CNTNAP4: variants seen among roughly 807,000 people sequenced by gnomAD.
CNTNAP4 encodes contactin-associated protein-like 4.
A neutral mutation model predicts 148.4 loss-of-function variants in CNTNAP4; 98 were observed. The observed-to-expected ratio is 0.66, with a 90% CI of 0.56 to 0.78. The LOEUF (loss-of-function observed/expected upper bound fraction) is 0.78, where lower values mean the gene tolerates loss of function less well. Ranked by LOEUF, CNTNAP4 falls within the 30% of genes least tolerant of loss-of-function variation. The pLI, the probability that CNTNAP4 is intolerant of heterozygous loss-of-function variation, is 0.00. For synonymous variants in CNTNAP4, 730 were observed against 565.1 expected (o/e 1.29, Z -4.14); for missense variants, 1,935 against 1,565.6 (o/e 1.24, Z -3.98).
chr16:76,315,333 TG>T (rs1961599514), intron 1 of CNTNAP4, among the ~76,000 whole-genome samples: 1 of 152,144 alleles, frequency 6.6e-6, no homozygotes, highest in Admixed American at 6.6e-5. Context: ...TCCTTGAGGC[TG>T]GGGGTTCATC....
chr16:76,451,028 G>A (rs538388361), intron 7 of CNTNAP4, among the ~76,000 whole-genome samples: 9 of 152,272 alleles, frequency 5.9e-5, no homozygotes, highest in Middle Eastern at 3.4e-3. Flanking sequence ...GTTGCCTGTG[G>A]GTAGCCACCA....
chr16:76,547,671 A>T (rs9923685), intron 21 of CNTNAP4, among the ~76,000 whole-genome samples: 131 of 152,184 alleles, frequency 8.6e-4, no homozygotes, highest in African/African-American at 2.8e-3. Flanking sequence ...AAGCCTGGAG[A>T]TTATTTTCAC....
rs1158689899 is a variant in CNTNAP4, at chr16:76,495,180, A to AT, written c.2237+115dup. 6.1e-6 allele frequency: 7 copies of AT among 1,140,666 alleles called. No individual in the cohort carries two copies. The Admixed American group carries it at 1.5e-4, about 25-fold the overall frequency. The allele number at this position is 1,140,666 out of a possible 1,614,324, so 70.7% of individuals were successfully genotyped here. On this transcript the variant is annotated intron_variant, in intron 14 of 23. Transcript: ENST00000611870. Reference sequence around the variant, plus strand: ...CAAGTTAGTGCAATGAAGTAATTAAATAAAGGTTTGTTTTAATGAAACGTG... The same window carrying AT: ...CAAGTTAGTGCAATGAAGTAATTAAATTAAAGGTTTGTTTTAATGAAACGTG...
At position 76,328,592 on chromosome 16, in the gene CNTNAP4, A is replaced by C. The variant is rs1963223676; in HGVS notation, c.196+12069A>C. On this transcript the variant is annotated intron_variant, in intron 2 of 23. Transcript: ENST00000611870. ...AAAGCATGGACCTTAGTTAATAATA[A>C]TAATGTATCAATAGTGATGCATTAG... Among the ~76,000 whole-genome samples, 5 of 152,188 alleles carry C rather than the reference A, an allele frequency of 3.3e-5. No individual in the cohort carries two copies. In the South Asian group the frequency reaches 1.0e-3, roughly 32 times the overall value.
At position 76,326,952 on chromosome 16, in the gene CNTNAP4, A is replaced by C. The variant is rs577464593; in HGVS notation, c.196+10429A>C. Among the ~76,000 whole-genome samples the C allele has an allele frequency of 3.1e-4, 47 of 152,226 alleles. 1 individual carries two copies. The highest frequency in any genetic ancestry group is 2.8e-3 in the Admixed American group (43 of 15,302). ...TACCCTAAAACTTAAAGTAAGAATA[A>C]AATTTAAAAAATACAAAAAAAAAAG... is the stretch of plus-strand genomic sequence containing the variant. On this transcript the variant is annotated intron_variant, in intron 2 of 23. Coordinates refer to ENST00000611870, the MANE Select transcript of CNTNAP4 (RefSeq NM_033401.5).
At chr16:76,329,812 ACTG>A (rs1963344826) in intron 2 of CNTNAP4, among the ~76,000 whole-genome samples, 2 of 152,370 alleles carry the variant, frequency 1.3e-5, no homozygotes, top group Admixed American at 6.5e-5. Flanking sequence ...ATAAAATATA[ACTG>A]ACTTTTATAA....
intron 1 of CNTNAP4, among the ~76,000 whole-genome samples, chr16:76,305,785 A>G (rs763040102): frequency 2.6e-5 from 4 of 152,164 alleles, no homozygotes; most frequent in Non-Finnish European, 5.9e-5. Context: ...CCCAACAGGT[A>G]GTTTTTCAAC....
At chr16:76,407,870 T>C (rs1039245655) in intron 3 of CNTNAP4, among the ~76,000 whole-genome samples, 1 of 152,096 alleles carries the variant, frequency 6.6e-6, no homozygotes, top group Non-Finnish European at 1.5e-5. Flanking sequence ...CATCACATGC[T>C]ACAGAGAAGT....
intron 3 of CNTNAP4, among the ~76,000 whole-genome samples, chr16:76,422,305 T>C (rs1187671764): frequency 6.6e-6 from 1 of 152,126 alleles, no homozygotes; most frequent in Non-Finnish European, 1.5e-5. Flanking sequence ...ATATTCTGTG[T>C]CTATTAGGAG....
chr16:76,277,583 C>T lies in CNTNAP4; in HGVS notation c.-80C>T, dbSNP rs1958523366. ...AGAGGGGCTGAAGACCCAGACAGAG[C>T]TGGCAGAGCTACTGAGAAGAGGACT... On this transcript the variant is annotated 5_prime_UTR_variant, in exon 1 of 24. Coordinates refer to ENST00000611870, the MANE Select transcript of CNTNAP4 (RefSeq NM_033401.5). The T allele has an allele frequency of 4.4e-6, 4 of 910,804 alleles. No individual in the cohort carries two copies. The highest frequency in any genetic ancestry group is 4.3e-5 in the South Asian group (3 of 70,230). The allele number at this position is 910,804 out of a possible 1,614,324, so 56.4% of individuals were successfully genotyped here. A position where few individuals can be genotyped will look rare whatever the true frequency, so the allele number is the denominator to read the frequency against.
intron 3 of CNTNAP4, among the ~76,000 whole-genome samples, chr16:76,408,881 C>T (rs1015921158): frequency 2.0e-5 from 3 of 151,986 alleles, no homozygotes; most frequent in African/African-American, 7.3e-5. Context: ...CACTATCTGC[C>T]ACTCAATCAA....
chr16:76,519,840 C>G (rs1409559889), intron 15 of CNTNAP4, among the ~76,000 whole-genome samples: 9 of 152,148 alleles, frequency 5.9e-5, no homozygotes, highest in Non-Finnish European at 1.2e-4. Flanking sequence ...TGAGAATTGA[C>G]TTTTGAATCA....
intron 3 of CNTNAP4, among the ~76,000 whole-genome samples, chr16:76,379,929 T>C (rs1477332091): frequency 6.6e-6 from 1 of 152,222 alleles, no homozygotes; most frequent in Non-Finnish European, 1.5e-5. Flanking sequence ...GATAATGGTG[T>C]GGATCTTCAT....
intron 1 of CNTNAP4, among the ~76,000 whole-genome samples, chr16:76,314,405 G>A (rs373691211): frequency 1.3e-5 from 2 of 152,254 alleles, no homozygotes; most frequent in African/African-American, 4.8e-5. Flanking sequence ...CACGAAAGTA[G>A]GAGGAATAAT....
At chr16:76,366,677 T>C (rs1472849172) in intron 3 of CNTNAP4, among the ~76,000 whole-genome samples, 1 of 152,154 alleles carries the variant, frequency 6.6e-6, no homozygotes, top group Non-Finnish European at 1.5e-5. Context: ...GTCAAATGGT[T>C]CTTAGCTCTT....
chr16:76,364,492 A>G (rs976360006), intron 3 of CNTNAP4, among the ~76,000 whole-genome samples: 2 of 152,114 alleles, frequency 1.3e-5, no homozygotes, highest in Non-Finnish European at 2.9e-5. Flanking sequence ...CATTTTTAAA[A>G]CACTTGATAA....
At chr16:76,319,612 TG>T (rs1313703332) in intron 2 of CNTNAP4, among the ~76,000 whole-genome samples, 11 of 151,262 alleles carry the variant, frequency 7.3e-5, no homozygotes, top group Non-Finnish European at 1.3e-4. Context: ...GATTAAGGGG[TG>T]GGGGGCTAAA....
chr16:76,477,821 A>G (rs914210297), intron 11 of CNTNAP4, among the ~76,000 whole-genome samples: 8 of 152,144 alleles, frequency 5.3e-5, no homozygotes, highest in South Asian at 2.1e-4. Flanking sequence ...TTCATCGACT[A>G]TTCATTTTAA....
At chr16:76,324,436 C>A (rs1206809027) in intron 2 of CNTNAP4, among the ~76,000 whole-genome samples, 1 of 152,094 alleles carries the variant, frequency 6.6e-6, no homozygotes, top group Non-Finnish European at 1.5e-5. Flanking sequence ...ACACCTGGAG[C>A]AATGTCTGAG....
Sources: allele counts gnomAD v4.1 joint callset (sites outside exome capture counted in the v4.1 genomes callset), GRCh38; gene constraint gnomAD v4.1.1; transcripts MANE v1.5; gene names NCBI Gene and HGNC (gene_info 2026-07-23, HGNC 2026-07-21).